The following PSME4 variants were observed in gnomAD, a reference collection of about 807,000 sequenced individuals.
PSME4 encodes the protein proteasome activator complex subunit 4.
A neutral mutation model predicts 253.9 loss-of-function variants in PSME4; 89 were observed. The observed-to-expected ratio is 0.35, with a 90% CI of 0.30 to 0.42. The LOEUF is 0.42. Among genes scored for constraint, PSME4 ranks in the 10% least tolerant of loss-of-function variants. The pLI is 1.00. For missense variants in PSME4, 2,014 were observed against 2,195.2 expected (o/e 0.92, Z 1.65); for synonymous variants, 851 against 759.2 (o/e 1.12, Z -1.99).
At chr2:53,877,602 G>A (rs1032600208) in intron 41 of PSME4, among the ~76,000 whole-genome samples, 2 of 152,070 alleles carry the variant, frequency 1.3e-5, no homozygotes, top group African/African-American at 2.4e-5. Flanking sequence ...CCTACTTAAC[G>A]GGATTCCTGC....
intron 19 of PSME4, 91 bp downstream of exon 19, chr2:53,920,101 GA>G (rs754834970): frequency 5.1e-5 from 58 of 1,138,876 alleles, no homozygotes; most frequent in Non-Finnish European, 6.6e-5. Context: ...AAACACAATT[GA>G]AAATTAATAC....
intron 1 of PSME4, among the ~76,000 whole-genome samples, chr2:53,966,627 G>C (rs542984620): frequency 2.6e-5 from 4 of 152,136 alleles, no homozygotes; most frequent in African/African-American, 4.8e-5. Context: ...CAGATAACCT[G>C]AGGTGTTCTA....
In PSME4 at chr2:53,887,875, G is replaced by A; in HGVS notation, c.4503C>T (p.Val1501=). The A allele has an allele frequency of 1.3e-6, 2 of 1,599,482 alleles. No individual in the cohort carries two copies. Among genetic ancestry groups the A allele is most frequent in the Admixed American group, 3.3e-5 (2 of 59,902 alleles). ...GTACCTACCTTCCTATTCTTTCTCTGACATTTTTGTAAACCTGGGTGAGTT... is the reference window on the plus strand; with the variant it reads ...GTACCTACCTTCCTATTCTTTCTCTAACATTTTTGTAAACCTGGGTGAGTT... ...EPKLTQVYKN[V]RERIGSVLTY... Residue 1501 remains valine, a synonymous_variant, in exon 39 of 47, where the codon GTC becomes GTT. Transcript: ENST00000404125.
In PSME4 at chr2:53,965,086, A is replaced by AAC. The variant is rs200298753; in HGVS notation, c.242+5455_242+5456dup. Reference sequence around the variant, plus strand: ...TTCACTAAAATCAAAATTCTGTTTAAACACACACACACACAGACACACACA... The same window carrying AAC: ...TTCACTAAAATCAAAATTCTGTTTAAACACACACACACACACAGACACACACA... On this transcript the variant is annotated intron_variant, in intron 1 of 46. Coordinates refer to ENST00000404125, the MANE Select transcript of PSME4 (RefSeq NM_014614.3). Among the ~76,000 whole-genome samples, 831 of 151,446 alleles carry AAC rather than the reference A, an allele frequency of 5.5e-3. 5 individuals carry two copies. The highest frequency in any genetic ancestry group is 0.019 in the African/African-American group (766 of 41,306).
chr2:53,924,503 C>T (rs1668468484), intron 14 of PSME4, among the ~76,000 whole-genome samples: 1 of 152,170 alleles, frequency 6.6e-6, no homozygotes, highest in East Asian at 1.9e-4. Context: ...AAGATAACTA[C>T]TTCTAATCCA....
chr2:53,935,650 T>C (rs1218098982), intron 7 of PSME4, among the ~76,000 whole-genome samples: 1 of 152,178 alleles, frequency 6.6e-6, no homozygotes, highest in African/African-American at 2.4e-5. Flanking sequence ...ATAATATACT[T>C]AGTACTTTCC....
chr2:53,953,094 C>A (rs184329133), intron 1 of PSME4, among the ~76,000 whole-genome samples: 1 of 152,280 alleles, frequency 6.6e-6, no homozygotes, highest in Admixed American at 6.5e-5. Context: ...TGGAGGGACT[C>A]CTCAGAAAGC....
intron 1 of PSME4, among the ~76,000 whole-genome samples, chr2:53,962,777 C>G (rs1245523878): frequency 6.6e-6 from 1 of 151,984 alleles, no homozygotes; most frequent in African/African-American, 2.4e-5. Flanking sequence ...CTTTGGGAGG[C>G]TGAGGCAGGC....
chr2:53,865,821 A>C, intron 46 of PSME4: 1 of 385,500 alleles, frequency 2.6e-6, no homozygotes, highest in South Asian at 4.4e-5. Flanking sequence ...CCTTTATCTA[A>C]CTATTCCCAG....
intron 4 of PSME4, 25 bp downstream of exon 4, chr2:53,939,931 C>G (rs1441058806): frequency 6.4e-7 from 1 of 1,559,138 alleles, no homozygotes; most frequent in Non-Finnish European, 8.8e-7. Flanking sequence ...CAACAAGAGG[C>G]TTTATAAATT....
intron 3 of PSME4, among the ~76,000 whole-genome samples, chr2:53,940,951 AC>A (rs1374524556): frequency 1.2e-4 from 2 of 16,506 alleles, no homozygotes; most frequent in Non-Finnish European, 2.1e-4. Context: ...ATATATATAT[AC>A]ATATATATAT....
chr2:53,930,052 A>ATAAC (rs879828904), intron 10 of PSME4, among the ~76,000 whole-genome samples: 70 of 151,766 alleles, frequency 4.6e-4, no homozygotes, highest in South Asian at 3.1e-3. Flanking sequence ...AAATAAATAA[A>ATAAC]TAATAAATTT....
chr2:53,933,630 T>C (rs805354), intron 8 of PSME4, among the ~76,000 whole-genome samples: 44,292 of 152,062 alleles, frequency 0.29, 6,858 homozygotes, highest in South Asian at 0.47. Context: ...TATCCTTCCA[T>C]CTCGGCTTCC....
In PSME4 at chr2:53,895,701, C is replaced by G; in HGVS notation, c.3724G>C (p.Asp1242His). The change falls in exon 33 of 47, where the codon GAT becomes CAT. Residue 1242 changes from aspartate to histidine, a missense_variant. Asp to His is a moderately conservative substitution (Grantham distance 81). Around this residue, in one of 4 missense-constraint regions of PSME4, gnomAD observed 989 missense variants for 1,021.1 expected, o/e 0.97. Coordinates refer to ENST00000404125, the MANE Select transcript of PSME4 (RefSeq NM_014614.3). Reference sequence around the variant, plus strand: ...TGCAACCAATGATTATCAGGCCTATCACCAGCAATAATTTGGGTGGGTTTA... The same window carrying G: ...TGCAACCAATGATTATCAGGCCTATGACCAGCAATAATTTGGGTGGGTTTA... Reference protein sequence around the residue: ...CPKPTQIIAGDRPDNHWLHYD... With the variant: ...CPKPTQIIAGHRPDNHWLHYD... The G allele has an allele frequency of 1.2e-6, 2 of 1,612,224 alleles. No homozygotes were observed. Among genetic ancestry groups the G allele is most frequent in the Non-Finnish European group, 1.7e-6 (2 of 1,179,366 alleles).
intron 31 of PSME4, 65 bp downstream of exon 31, chr2:53,897,805 T>C (rs1680210472): frequency 1.3e-6 from 2 of 1,534,866 alleles, no homozygotes; most frequent in East Asian, 2.3e-5. Flanking sequence ...TTGTGAAGAA[T>C]TTAAAGACTT....
chr2:53,904,931 T>C (rs1680581091), intron 26 of PSME4, among the ~76,000 whole-genome samples: 2 of 149,108 alleles, frequency 1.3e-5, no homozygotes, highest in Non-Finnish European at 3.0e-5. Context: ...GAGGTTGCAG[T>C]GAACCAAGAT....
rs748108953 is a variant in PSME4, at chr2:53,931,923, T to A, written c.1228A>T (p.Ser410Cys). The change falls in exon 10 of 47, where the codon AGC becomes TGC. Residue 410 changes from serine to cysteine, a missense_variant. Physicochemically the swap from Ser to Cys is moderately radical, Grantham distance 112. Transcript: ENST00000404125. ...GCTGCTTCTAGACTACCGGTTTTGC[T>A]AAACATAGCCAAGAGGACAGGCTGA... Reference protein sequence around the residue: ...IIQPVLLAMFSKTGSLEAAQA... With the variant: ...IIQPVLLAMFCKTGSLEAAQA... 1.2e-6 allele frequency: 2 copies of A among 1,614,130 alleles called. No homozygotes were observed. Among genetic ancestry groups the A allele is most frequent in the Non-Finnish European group, 1.7e-6 (2 of 1,179,984 alleles).
chr2:53,908,439 T>C, intron 23 of PSME4, 21 bp from the exon 24 acceptor site: 8 of 1,612,700 alleles, frequency 5.0e-6, no homozygotes, highest in Non-Finnish European at 6.8e-6. Flanking sequence ...GAATTTCAAA[T>C]TGTATTTGCA....
chr2:53,967,980 A>G (rs945290167), intron 1 of PSME4, among the ~76,000 whole-genome samples: 9 of 152,206 alleles, frequency 5.9e-5, no homozygotes, highest in Non-Finnish European at 1.0e-4. Context: ...GCTTCTCAAG[A>G]ATTTAGTCCA....
Sources: gnomAD v4.1 joint callset for allele counts (sites outside exome capture counted in the v4.1 genomes callset) on GRCh38, gnomAD v4.1.1 for gene constraint, gnomAD v4.1.1 regional missense constraint, MANE v1.5 for transcripts, NCBI Gene and HGNC (gene_info 2026-07-23, HGNC 2026-07-21) for gene names.